Variants in RPL31 observed in about 807,000 individuals in gnomAD.
The protein encoded by RPL31 is ribosomal protein L31, also known as large ribosomal subunit protein eL31.
For missense variants in RPL31, 95 were observed against 164.0 expected (o/e 0.58, Z 2.30); for synonymous variants, 51 against 55.0 (o/e 0.93, Z 0.32).
chr2:101,009,467 A>G (rs1189108426), downstream of RPL31, among the ~76,000 whole-genome samples: 4 of 151,872 alleles, frequency 2.6e-5, no homozygotes, highest in Non-Finnish European at 4.4e-5. Flanking sequence ...TATTTGGGGG[A>G]AAAGATCCAT....
downstream of RPL31, among the ~76,000 whole-genome samples, chr2:101,008,610 TCAGAC>T: frequency 6.6e-6 from 1 of 151,438 alleles, no homozygotes; most frequent in Middle Eastern, 3.4e-3. Flanking sequence ...AGGTTGGGAG[TCAGAC>T]CAGCCCAATC....
intron 4 of RPL31, among the ~76,000 whole-genome samples, chr2:101,013,078 G>A (rs935025631): frequency 6.6e-6 from 1 of 152,194 alleles, no homozygotes; most frequent in Admixed American, 6.5e-5. Context: ...AAATGTGATG[G>A]GAGCCATAGA....
At chr2:101,015,390 TAACTG>T (rs1020172269) in intron 4 of RPL31, among the ~76,000 whole-genome samples, 15 of 152,210 alleles carry the variant, frequency 9.9e-5, no homozygotes, top group East Asian at 1.9e-4. Flanking sequence ...TATAAACACT[TAACTG>T]TACTGAGTTC....
At chr2:101,015,497 T>C (rs1339112396) in intron 4 of RPL31, among the ~76,000 whole-genome samples, 1 of 152,210 alleles carries the variant, frequency 6.6e-6, no homozygotes, top group African/African-American at 2.4e-5. Flanking sequence ...TCTTTTGTAA[T>C]AACACTTGCC....
At chr2:101,007,722 A>G (rs1678834099), downstream of RPL31, 6 of 1,251,038 alleles carry the variant, frequency 4.8e-6, no homozygotes, top group Non-Finnish European at 1.1e-6. Context: ...CCCCATTGGT[A>G]AGGTAGACTG....
At chr2:101,019,000 T>A in exon 5 of RPL31, 1 of 1,612,524 alleles carries the variant, frequency 6.2e-7, no homozygotes, top group South Asian at 1.1e-5. Flanking sequence ...TGTGCTAGTT[T>A]CTGTGCTAAA....
chr2:101,004,015 A>G, intron 2 of RPL31, 143 bp from the exon 3 acceptor site: 1 of 831,468 alleles, frequency 1.2e-6, no homozygotes, highest in Non-Finnish European at 1.9e-6. Context: ...GGCCTACTGT[A>G]TGCTGTAAAA....
At chr2:101,012,163 A>T (rs192909664), downstream of RPL31, among the ~76,000 whole-genome samples, 53 of 152,344 alleles carry the variant, frequency 3.5e-4, no homozygotes, top group South Asian at 0.01. Flanking sequence ...GGCAGTTTTT[A>T]AAAAAGTTAA....
At chr2:101,008,389 T>C (rs1224976502), downstream of RPL31, 4 of 837,182 alleles carry the variant, frequency 4.8e-6, no homozygotes, top group Non-Finnish European at 7.1e-6. Context: ...AGACACAGAA[T>C]ATAAGAAAAG....
At chr2:101,012,938 A>C (rs1679339337) in intron 4 of RPL31, among the ~76,000 whole-genome samples, 1 of 152,246 alleles carries the variant, frequency 6.6e-6, no homozygotes, top group South Asian at 2.1e-4. Context: ...CAAACTGAAC[A>C]GGAGGAAAAT....
chr2:101,010,295 G>A (rs1037923671), downstream of RPL31, among the ~76,000 whole-genome samples: 6 of 152,144 alleles, frequency 3.9e-5, no homozygotes, highest in Non-Finnish European at 8.8e-5. Flanking sequence ...CCCAGGAAAT[G>A]GAGCAAGCAC....
downstream of RPL31, chr2:101,007,746 G>C: frequency 2.7e-6 from 4 of 1,477,390 alleles, no homozygotes; most frequent in Middle Eastern, 3.6e-4. Flanking sequence ...TCTCGGTTTA[G>C]GGCTGACCCC....
intron 3 of RPL31, chr2:101,004,531 G>A (rs904471919): frequency 2.1e-6 from 1 of 466,750 alleles, no homozygotes; most frequent in Admixed American, 3.9e-5. Context: ...GCAGAGAGAG[G>A]AAGCTTGGCA....
chr2:101,010,331 T>C (rs1679110321), downstream of RPL31, among the ~76,000 whole-genome samples: 1 of 152,180 alleles, frequency 6.6e-6, no homozygotes, highest in Non-Finnish European at 1.5e-5. Context: ...AAGAATGCTG[T>C]ATCCACAGTG....
At chr2:101,008,338 A>G, downstream of RPL31, 1 of 1,292,438 alleles carries the variant, frequency 7.7e-7, no homozygotes, top group Admixed American at 3.0e-5. Context: ...TTTTTTTTAA[A>G]CATACCTGTG....
chr2:101,010,565 AT>A (rs1475480564), downstream of RPL31, among the ~76,000 whole-genome samples: 1 of 151,858 alleles, frequency 6.6e-6, no homozygotes, highest in East Asian at 1.9e-4. Context: ...CCCAAGCTTG[AT>A]TCTCAGATTA....
At chr2:101,015,210 G>C (rs1679533085) in intron 4 of RPL31, among the ~76,000 whole-genome samples, 1 of 152,028 alleles carries the variant, frequency 6.6e-6, no homozygotes, top group Non-Finnish European at 1.5e-5. Context: ...CTATCTAAAT[G>C]TAGAAAAGGT....
At chr2:101,005,674 ACATTTGGAC>A (rs1036041557) in intron 3 of RPL31, 80 of 377,380 alleles carry the variant, frequency 2.1e-4, no homozygotes, top group Non-Finnish European at 3.3e-4. Context: ...AAAGACTAAC[ACATTTGGAC>A]CATTTGGACC....
downstream of RPL31, chr2:101,008,183 T>C: frequency 1.2e-6 from 2 of 1,613,394 alleles, no homozygotes; most frequent in Non-Finnish European, 1.7e-6. Flanking sequence ...AGCAGTGTGG[T>C]GACTGTGGCG....
Sources: allele counts gnomAD v4.1 joint callset (sites outside exome capture counted in the v4.1 genomes callset), GRCh38; gene constraint gnomAD v4.1.1; transcripts MANE v1.5; gene names NCBI Gene and HGNC (gene_info 2026-07-23, HGNC 2026-07-21).